IGSF5: variants seen among roughly 807,000 people sequenced by gnomAD.
IGSF5 encodes immunoglobulin superfamily member 5.
Under a neutral mutation model 39.4 loss-of-function variants are expected in IGSF5, and 41 were observed. The observed-to-expected ratio is 1.04, with a 90% CI of 0.81 to 1.35. The LOEUF is 1.35. IGSF5 is among the 40% of genes most tolerant of loss of function. The probability of loss-of-function intolerance (pLI) is 0.00; values close to 1 mark genes in which losing one functional copy is unlikely to be tolerated. For missense variants in IGSF5, 487 were observed against 494.6 expected (o/e 0.98, Z 0.15); for synonymous variants, 183 against 175.3 (o/e 1.04, Z -0.34).
Position 39,779,275 on chromosome 21 carries a change from CGTT to C in IGSF5, c.911_913del (p.Cys304del), listed in dbSNP as rs1479513878. On this transcript the variant is annotated inframe_deletion, in exon 5 of 9. Transcript: ENST00000380588. Reference sequence around the variant, plus strand: ...TTGTTGTGGCTGCAACTGCTGCTGCCGTTGTTGTTTCTGCTGTAGAAGAAAAAG... The same window carrying C: ...TTGTTGTGGCTGCAACTGCTGCTGCCGTTGTTTCTGCTGTAGAAGAAAAAG... 8.1e-6 allele frequency: 13 copies of C among 1,612,884 alleles called. No individual in the cohort carries two copies. Among genetic ancestry groups the C allele is most frequent in the African/African-American group, 8.0e-5 (6 of 74,992 alleles).
chr21:39,744,567 C>T (rs1345905470), upstream of IGSF5, among the ~76,000 whole-genome samples: 1 of 152,156 alleles, frequency 6.6e-6, no homozygotes, highest in Non-Finnish European at 1.5e-5. Flanking sequence ...ATCATCCTGT[C>T]CTGAAGGAAG....
chr21:39,713,725 C>A, the IGSF5 span, among the ~76,000 whole-genome samples: 14 of 152,164 alleles, frequency 9.2e-5, no homozygotes, highest in African/African-American at 3.1e-4. Flanking sequence ...GTCTGCTGGG[C>A]CTTGTGCTTC....
the IGSF5 span, among the ~76,000 whole-genome samples, chr21:39,723,190 C>T: frequency 0.037 from 5,643 of 152,232 alleles, 144 homozygotes; most frequent in Non-Finnish European, 0.055. Context: ...CTGAAGGCTC[C>T]ACTGGGGAAG....
intron 5 of IGSF5, among the ~76,000 whole-genome samples, chr21:39,780,622 A>G (rs115537702): frequency 9.8e-4 from 149 of 152,324 alleles, no homozygotes; most frequent in African/African-American, 3.5e-3. Flanking sequence ...AAAAAATAGT[A>G]TCAATACAAT....
At chr21:39,721,678 C>CCTTT in the IGSF5 span, among the ~76,000 whole-genome samples, 4 of 41,722 alleles carry the variant, frequency 9.6e-5, no homozygotes, top group East Asian at 1.7e-3. Context: ...TCTGTCCCTT[C>CCTTT]CTTCCTTCCT....
chr21:39,748,868 G>A (rs2079989305), intron 2 of IGSF5, among the ~76,000 whole-genome samples: 1 of 152,142 alleles, frequency 6.6e-6, no homozygotes, highest in Non-Finnish European at 1.5e-5. Flanking sequence ...TCACTGAATT[G>A]TGACGTGCAG....
the IGSF5 span, among the ~76,000 whole-genome samples, chr21:39,727,220 G>C: frequency 6.6e-6 from 1 of 152,192 alleles, no homozygotes; most frequent in Non-Finnish European, 1.5e-5. Flanking sequence ...AGAGATCCTG[G>C]TTCCTGGGAT....
chr21:39,782,519 C>T (rs745734528), intron 5 of IGSF5, among the ~76,000 whole-genome samples: 6 of 152,120 alleles, frequency 3.9e-5, no homozygotes, highest in South Asian at 2.1e-4. Context: ...TCCCTATTCC[C>T]GCTTCCCCCC....
At chr21:39,793,437 C>A in intron 7 of IGSF5, 97 bp from the exon 8 acceptor site, 1 of 931,870 alleles carries the variant, frequency 1.1e-6, no homozygotes, top group Non-Finnish European at 1.7e-6. Context: ...AGCGGTACTA[C>A]ATAAAAGCAA....
the IGSF5 span, among the ~76,000 whole-genome samples, chr21:39,731,065 C>T: frequency 6.6e-6 from 1 of 152,210 alleles, no homozygotes; most frequent in African/African-American, 2.4e-5. Flanking sequence ...ACACCCGAGG[C>T]CCATCAGGCT....
intron 2 of IGSF5, among the ~76,000 whole-genome samples, chr21:39,747,993 T>C (rs2079984272): frequency 1.3e-5 from 2 of 151,798 alleles, no homozygotes; most frequent in Admixed American, 1.3e-4. Flanking sequence ...ACTGAAGCAC[T>C]GAAGGATTAA....
the IGSF5 span, among the ~76,000 whole-genome samples, chr21:39,713,841 A>G: frequency 8.3e-4 from 127 of 152,282 alleles, no homozygotes; most frequent in East Asian, 0.015. Context: ...ATACTGATCT[A>G]TGGGGTTCCT....
chr21:39,733,858 C>T, the IGSF5 span, among the ~76,000 whole-genome samples: 2 of 152,178 alleles, frequency 1.3e-5, no homozygotes, highest in Non-Finnish European at 2.9e-5. Context: ...CCCTATGTGT[C>T]TTCACAATGT....
chr21:39,712,531 G>A, the IGSF5 span, among the ~76,000 whole-genome samples: 122 of 152,204 alleles, frequency 8.0e-4, no homozygotes, highest in Non-Finnish European at 1.1e-3. Context: ...CATACTGGGG[G>A]CTCAGGGTTG....
the IGSF5 span, among the ~76,000 whole-genome samples, chr21:39,712,531 G>T: frequency 4.6e-3 from 704 of 152,202 alleles, 7 homozygotes; most frequent in African/African-American, 0.016. Flanking sequence ...CATACTGGGG[G>T]CTCAGGGTTG....
Position 39,748,301 on chromosome 21 carries a change from C to CTTTTTTTTTTTTTT in IGSF5, c.100+2017_100+2030dup, listed in dbSNP as rs60669244. ...TGTGCAAGTGAAGAGAAAACAAGAT[C>CTTTTTTTTTTTTTT]TTTTTTTTTTTTTTTTTTTTTTTTT... On this transcript the variant is annotated intron_variant, in intron 2 of 8. Coordinates refer to ENST00000380588, the MANE Select transcript of IGSF5 (RefSeq NM_001080444.2). Among the ~76,000 whole-genome samples, 176 of 58,238 alleles carry CTTTTTTTTTTTTTT rather than the reference C, an allele frequency of 3.0e-3. 48 individuals are homozygous for CTTTTTTTTTTTTTT. Among genetic ancestry groups the CTTTTTTTTTTTTTT allele is most frequent in the Non-Finnish European group, 3.7e-3 (123 of 33,002 alleles). 38.2% of individuals were successfully genotyped at this position (58,238 alleles called of 152,430 possible). A position where few individuals can be genotyped will look rare whatever the true frequency, so the allele number is the denominator to read the frequency against.
the IGSF5 span, among the ~76,000 whole-genome samples, chr21:39,725,664 C>T: frequency 3.3e-4 from 50 of 152,224 alleles, no homozygotes; most frequent in Non-Finnish European, 5.4e-4. Flanking sequence ...AGGTGGTGCA[C>T]AAGTACTTCT....
the IGSF5 span, among the ~76,000 whole-genome samples, chr21:39,713,528 T>C: frequency 6.6e-6 from 1 of 152,174 alleles, no homozygotes; most frequent in Admixed American, 6.5e-5. Context: ...CCTGGTGTCT[T>C]TTCCCACTAG....
chr21:39,775,180 C>G lies in IGSF5; in HGVS notation c.719-3910C>G, dbSNP rs141979164. ...TAAGGCCTAGCCTTCCCCTCCAGCC[C>G]GATCAAGTGCTATGTCTACACAGAC... On this transcript the variant is annotated intron_variant, in intron 4 of 8. Transcript: ENST00000380588. Among the ~76,000 whole-genome samples the G allele has an allele frequency of 1.4e-3, 211 of 152,308 alleles. 1 individual carries two copies. The highest frequency in any genetic ancestry group is 4.7e-3 in the African/African-American group (197 of 41,564).
Sources: gnomAD v4.1 joint callset for allele counts (sites outside exome capture counted in the v4.1 genomes callset) on GRCh38, gnomAD v4.1.1 for gene constraint, MANE v1.5 for transcripts, NCBI Gene and HGNC (gene_info 2026-07-23, HGNC 2026-07-21) for gene names.